Variants in TTBK2 observed in about 807,000 individuals in gnomAD.
TTBK2 encodes tau tubulin kinase 2.
A neutral mutation model predicts 110.8 loss-of-function variants in TTBK2; 28 were observed. The ratio of observed to expected loss-of-function variants is 0.25; its 90% CI spans 0.19 to 0.35. The LOEUF (loss-of-function observed/expected upper bound fraction) is 0.35. Among genes scored for constraint, TTBK2 ranks in the 10% least tolerant of loss-of-function variants. The pLI is 1.00. For synonymous variants in TTBK2, 532 were observed against 527.3 expected (o/e 1.01, Z -0.12); for missense variants, 1,369 against 1,500.3 (o/e 0.91, Z 1.45).
At chr15:42,758,342 T>A (rs982608254) in intron 13 of TTBK2, among the ~76,000 whole-genome samples, 27 of 152,198 alleles carry the variant, frequency 1.8e-4, no homozygotes, top group African/African-American at 6.0e-4. Flanking sequence ...AGCAGCTTTA[T>A]ATAATACTTT....
chr15:42,745,895 C>A lies in TTBK2; in HGVS notation c.3635G>T (p.Ser1212Ile). 1 of 1,614,030 alleles carries A rather than the reference C, an allele frequency of 6.2e-7. No individual in the cohort carries two copies. Among genetic ancestry groups the A allele is most frequent in the Non-Finnish European group, 8.5e-7 (1 of 1,180,018 alleles). Residue 1212 changes from serine (S) to isoleucine (I), a missense_variant, in exon 15 of 15, where the codon AGC (serine) becomes ATC (isoleucine). Coordinates refer to ENST00000267890, the MANE Select transcript of TTBK2 (RefSeq NM_173500.4). The part of the protein sequence containing the change: ...RSCQQEHCKP[S>I]KNGLKGSGSL... ...GCCGGATCCTTTCAGGCCATTCTTG[C>A]TGGGTTTGCAATGCTCCTGTTGGCA...
chr15:42,774,073 T>A (rs1194229570), intron 13 of TTBK2, among the ~76,000 whole-genome samples: 1 of 152,204 alleles, frequency 6.6e-6, no homozygotes, highest in Non-Finnish European at 1.5e-5. Flanking sequence ...CAGGCCTTTA[T>A]TTCCCTATTT....
intron 13 of TTBK2, among the ~76,000 whole-genome samples, chr15:42,765,600 A>G (rs527329723): frequency 3.9e-5 from 6 of 152,244 alleles, no homozygotes; most frequent in Non-Finnish European, 8.8e-5. Flanking sequence ...CAAAGCCTCC[A>G]AGAAATATCG....
intron 13 of TTBK2, among the ~76,000 whole-genome samples, chr15:42,757,433 T>A (rs2140634191): frequency 6.6e-6 from 1 of 152,214 alleles, no homozygotes; most frequent in South Asian, 2.1e-4. Flanking sequence ...CTAATACAAA[T>A]TCACAAATGA....
chr15:42,777,140 C>T lies in TTBK2; in HGVS notation c.1300G>A (p.Asp434Asn). Residue 434 changes from aspartate (D) to asparagine (N), a missense_variant, in exon 12 of 15, where the codon GAC (aspartate) becomes AAC (asparagine). Asp to Asn is a conservative substitution (Grantham distance 23, BLOSUM62 1). Transcript: ENST00000267890. ...TTTCGCACCAGTGGAATATCTCTGT[C>T]TGGCTGAGTAATCTCTGAGCGGACA... is the stretch of plus-strand genomic sequence containing the variant. ...IRVRSEITQP[D>N]RDIPLVRKLR... is the part of the protein sequence containing the mutation. The T allele has an allele frequency of 6.2e-7, 1 of 1,614,212 alleles. No homozygotes were observed. Among genetic ancestry groups the T allele is most frequent in the Non-Finnish European group, 8.5e-7 (1 of 1,180,052 alleles).
chr15:42,797,679 A>AT, intron 9 of TTBK2, among the ~76,000 whole-genome samples: 1 of 152,170 alleles, frequency 6.6e-6, no homozygotes, highest in East Asian at 1.9e-4. Context: ...GTTACATCAC[A>AT]TTTGGTTATG....
intron 3 of TTBK2, among the ~76,000 whole-genome samples, chr15:42,850,156 A>G (rs1893637436): frequency 6.6e-6 from 1 of 152,176 alleles, no homozygotes; most frequent in Non-Finnish European, 1.5e-5. Flanking sequence ...CACTGCAGCC[A>G]CTGTCAAGGA....
intron 9 of TTBK2, chr15:42,801,186 C>T: frequency 7.0e-7 from 1 of 1,434,722 alleles, no homozygotes; most frequent in Non-Finnish European, 9.8e-7. Context: ...CATATGGATA[C>T]TCATGTTCTG....
At chr15:42,828,919 G>A (rs2140982990) in intron 5 of TTBK2, among the ~76,000 whole-genome samples, 1 of 152,232 alleles carries the variant, frequency 6.6e-6, no homozygotes, top group Middle Eastern at 3.4e-3. Flanking sequence ...GAGGACTTGT[G>A]ACGGTAAAAG....
chr15:42,854,122 G>T (rs1893835263), intron 3 of TTBK2, among the ~76,000 whole-genome samples: 1 of 152,002 alleles, frequency 6.6e-6, no homozygotes, highest in Non-Finnish European at 1.5e-5. Flanking sequence ...TTTTTGTAGA[G>T]ACAGGGTCTC....
At chr15:42,773,477 T>G (rs1450675230) in intron 13 of TTBK2, among the ~76,000 whole-genome samples, 2 of 151,406 alleles carry the variant, frequency 1.3e-5, no homozygotes, top group Admixed American at 1.3e-4. Flanking sequence ...GAAAAATAAT[T>G]CAAAGATATC....
At chr15:42,865,242 C>A (rs1429975134) in intron 3 of TTBK2, among the ~76,000 whole-genome samples, 1 of 151,952 alleles carries the variant, frequency 6.6e-6, no homozygotes, top group Non-Finnish European at 1.5e-5. Context: ...AGGAGTTAGA[C>A]CAGCCTGGCC....
At position 42,841,437 on chromosome 15, in the gene TTBK2, C is replaced by T. The variant is rs531848474; in HGVS notation, c.218-1004G>A. Among the ~76,000 whole-genome samples, 8 of 151,982 alleles carry T rather than the reference C, an allele frequency of 5.3e-5. 2 individuals carry two copies. Among genetic ancestry groups the T allele is most frequent in the African/African-American group, 1.4e-4 (6 of 41,444 alleles). On this transcript the variant is annotated intron_variant, in intron 3 of 14. Coordinates refer to ENST00000267890, the MANE Select transcript of TTBK2 (RefSeq NM_173500.4). ...TATTGCCCAGGCTGGTCTCAAACTC[C>T]GGGGCTCAAGCGATCTGCCCGCCTC...
chr15:42,794,106 A>C (rs1390749374), intron 10 of TTBK2, among the ~76,000 whole-genome samples: 9 of 114,602 alleles, frequency 7.9e-5, no homozygotes, highest in Admixed American at 4.7e-4. Flanking sequence ...AAAAATTAGA[A>C]AAAAAAAAAA....
Position 42,775,656 on chromosome 15 carries a change from G to A in TTBK2, c.1477C>T (p.Pro493Ser), listed in dbSNP as rs973549405. The change falls in exon 13 of 15, where the codon CCT becomes TCT. Residue 493 changes from proline (P) to serine (S), a missense_variant. This residue lies in a region of TTBK2 where 1,097 missense variants were observed against 1,114.7 expected (regional missense o/e 0.98). Transcript: ENST00000267890. ...GTACGGGACACAGCAGGAACGCAAG[G>A]CTTATGCAGCAGAGCAGGGAGAATA... The part of the protein sequence containing the change: ...ESILPALLHK[P>S]CVPAVSRTDH... 3 of 1,613,232 alleles carry A rather than the reference G, an allele frequency of 1.9e-6. No individual in the cohort carries two copies. The highest frequency in any genetic ancestry group is 2.7e-5 in the African/African-American group (2 of 74,892).
intron 3 of TTBK2, among the ~76,000 whole-genome samples, chr15:42,845,687 G>C (rs1893428810): frequency 7.1e-6 from 1 of 140,300 alleles, no homozygotes. Context: ...TTCCATGTAA[G>C]CTAGGCACAT....
At chr15:42,769,486 C>T (rs1041852148) in intron 13 of TTBK2, among the ~76,000 whole-genome samples, 24 of 145,340 alleles carry the variant, frequency 1.7e-4, no homozygotes, top group Middle Eastern at 3.5e-3. Context: ...GACATTTATG[C>T]AGCCAACAGA....
intron 9 of TTBK2, among the ~76,000 whole-genome samples, chr15:42,809,024 A>G (rs1891595693): frequency 6.6e-6 from 1 of 152,260 alleles, no homozygotes; most frequent in African/African-American, 2.4e-5. Flanking sequence ...TAGAGAAACA[A>G]GAGGCAGAAG....
rs539508024 is a variant in TTBK2, at chr15:42,839,276, T to C, written c.291+1084A>G. Among the ~76,000 whole-genome samples the C allele has an allele frequency of 1.6e-4, 25 of 152,322 alleles. No individual in the cohort carries two copies. The East Asian group carries it at 4.2e-3, about 26-fold the overall frequency. On this transcript the variant is annotated intron_variant, in intron 4 of 14. Coordinates refer to ENST00000267890, the MANE Select transcript of TTBK2 (RefSeq NM_173500.4). ...ATCCATGTTGCTGCAAAGAACATGA[T>C]TTCATTCATTTTTATAGCTGTGTAG... is the stretch of plus-strand genomic sequence containing the variant.
Sources: gnomAD v4.1 joint callset for allele counts (sites outside exome capture counted in the v4.1 genomes callset) on GRCh38, gnomAD v4.1.1 for gene constraint, gnomAD v4.1.1 regional missense constraint, MANE v1.5 for transcripts, NCBI Gene and HGNC (gene_info 2026-07-23, HGNC 2026-07-21) for gene names.